Variants in ZNF521 observed in about 807,000 individuals in gnomAD.
ZNF521 encodes the protein zinc finger protein 521, also known as LYST-interacting protein 3.
In ZNF521, 14 loss-of-function variants were observed where a neutral mutation model predicts 105.5. The observed-to-expected ratio is 0.13, with a 90% CI of 0.09 to 0.21. The LOEUF is 0.21. ZNF521 is among the 10% of genes least tolerant of loss of function. The pLI is 1.00. For missense variants in ZNF521, 1,233 were observed against 1,629.7 expected, an observed-to-expected ratio of 0.76 and a Z score of 4.19; for synonymous variants, 635 against 606.0, an observed-to-expected ratio of 1.05 and a Z score of -0.70.
intron 4 of ZNF521, among the ~76,000 whole-genome samples, chr18:25,214,613 T>A (rs2036249220): frequency 6.6e-6 from 1 of 152,232 alleles, no homozygotes; most frequent in South Asian, 2.1e-4. Context: ...TCAGCATTTT[T>A]AATTTCTATA....
At chr18:25,154,360 T>C (rs766956215) in intron 5 of ZNF521, among the ~76,000 whole-genome samples, 1 of 152,140 alleles carries the variant, frequency 6.6e-6, no homozygotes. Flanking sequence ...CCAACTGACA[T>C]GAAATGTGGA....
At chr18:25,324,195 T>C (rs560105605) in intron 2 of ZNF521, among the ~76,000 whole-genome samples, 1 of 152,116 alleles carries the variant, frequency 6.6e-6, no homozygotes, top group Non-Finnish European at 1.5e-5. Flanking sequence ...AAATATTATT[T>C]AGTGATGGTG....
intron 4 of ZNF521, among the ~76,000 whole-genome samples, chr18:25,215,176 T>C (rs2036258964): frequency 6.6e-6 from 1 of 152,096 alleles, no homozygotes; most frequent in Non-Finnish European, 1.5e-5. Flanking sequence ...TATTTCAGAA[T>C]AGAAAAGTAG....
intron 5 of ZNF521, among the ~76,000 whole-genome samples, chr18:25,160,398 C>T (rs1320347966): frequency 6.6e-6 from 1 of 152,180 alleles, no homozygotes; most frequent in Non-Finnish European, 1.5e-5. Context: ...AAATTCCACA[C>T]TACGTGATTA....
At chr18:25,139,772 T>C (rs1428580772) in intron 5 of ZNF521, among the ~76,000 whole-genome samples, 1 of 152,198 alleles carries the variant, frequency 6.6e-6, no homozygotes, top group Non-Finnish European at 1.5e-5. Flanking sequence ...GTGGACTGAA[T>C]GTGTATGTCT....
chr18:25,252,434 T>G (rs1475719578), intron 3 of ZNF521, among the ~76,000 whole-genome samples: 2 of 152,168 alleles, frequency 1.3e-5, no homozygotes, highest in African/African-American at 2.4e-5. Context: ...TTATTTATGA[T>G]TCAGGTTCTG....
At chr18:25,077,113 C>T (rs2033379910) in intron 7 of ZNF521, among the ~76,000 whole-genome samples, 1 of 152,216 alleles carries the variant, frequency 6.6e-6, no homozygotes, top group Non-Finnish European at 1.5e-5. Context: ...CTGGGCTGTC[C>T]TAGCAAAATC....
intron 5 of ZNF521, among the ~76,000 whole-genome samples, chr18:25,093,763 T>C (rs1302570254): frequency 6.6e-6 from 1 of 152,174 alleles, no homozygotes; most frequent in African/African-American, 2.4e-5. Context: ...GGAGTTTAAT[T>C]GTGCATACTG....
intron 5 of ZNF521, among the ~76,000 whole-genome samples, chr18:25,132,871 C>A (rs1464083453): frequency 6.6e-6 from 1 of 152,158 alleles, no homozygotes; most frequent in Non-Finnish European, 1.5e-5. Flanking sequence ...GAGGAGGAGA[C>A]AAAGCCCCGA....
intron 3 of ZNF521, among the ~76,000 whole-genome samples, chr18:25,286,144 G>T (rs1358979932): frequency 6.6e-6 from 1 of 152,218 alleles, no homozygotes. Context: ...AGCCAGACGT[G>T]TCTGGGCAAA....
At chr18:25,125,019 T>C (rs1157147297) in intron 5 of ZNF521, among the ~76,000 whole-genome samples, 2 of 152,158 alleles carry the variant, frequency 1.3e-5, no homozygotes, top group African/African-American at 2.4e-5. Flanking sequence ...ACAGTATATA[T>C]AAAAGTGATT....
intron 5 of ZNF521, among the ~76,000 whole-genome samples, chr18:25,137,064 T>A (rs1331463921): frequency 6.6e-6 from 1 of 152,146 alleles, no homozygotes; most frequent in Non-Finnish European, 1.5e-5. Flanking sequence ...CCAGTCCAAA[T>A]CCGATTACGT....
intron 3 of ZNF521, among the ~76,000 whole-genome samples, chr18:25,269,554 A>G (rs1461300409): frequency 6.6e-6 from 1 of 152,210 alleles, no homozygotes; most frequent in Non-Finnish European, 1.5e-5. Flanking sequence ...AACACTCCTC[A>G]GCAAATGCAA....
At chr18:25,087,866 T>C (rs1026825082) in intron 7 of ZNF521, among the ~76,000 whole-genome samples, 6 of 148,112 alleles carry the variant, frequency 4.1e-5, no homozygotes, top group African/African-American at 1.6e-4. Flanking sequence ...GGCTCAAGCA[T>C]TCTTTCTTAT....
At chr18:25,349,650 C>G (rs1914624317) in intron 2 of ZNF521, among the ~76,000 whole-genome samples, 1 of 151,872 alleles carries the variant, frequency 6.6e-6, no homozygotes, top group Non-Finnish European at 1.5e-5. Context: ...TTCCCCGGGC[C>G]GGCGGCGAGT....
chr18:25,121,247 C>T (rs551270547), intron 5 of ZNF521, among the ~76,000 whole-genome samples: 95 of 149,084 alleles, frequency 6.4e-4, no homozygotes, highest in South Asian at 1.7e-3. Context: ...GAGTAGCCAC[C>T]GCGCCCAGCC....
intron 5 of ZNF521, among the ~76,000 whole-genome samples, chr18:25,184,866 C>A (rs748890136): frequency 6.6e-6 from 1 of 152,178 alleles, no homozygotes; most frequent in Non-Finnish European, 1.5e-5. Flanking sequence ...AAATACACAT[C>A]TAATTATCCC....
chr18:25,133,612 T>C (rs2034679102), intron 5 of ZNF521, among the ~76,000 whole-genome samples: 1 of 152,190 alleles, frequency 6.6e-6, no homozygotes, highest in South Asian at 2.1e-4. Flanking sequence ...TATCTAAACA[T>C]ATCCATATAT....
chr18:25,315,703 G>A (rs767620068), intron 3 of ZNF521: 5 of 152,090 alleles, frequency 3.3e-5, no homozygotes, highest in South Asian at 2.1e-4. Flanking sequence ...CAAAGGCTTC[G>A]TTTGGCCTTG....
Sources: gnomAD v4.1 joint callset for allele counts (sites outside exome capture counted in the v4.1 genomes callset) on GRCh38, gnomAD v4.1.1 for gene constraint, MANE v1.5 for transcripts, NCBI Gene and HGNC (gene_info 2026-07-23, HGNC 2026-07-21) for gene names.